Variants in DDX47 observed in about 807,000 individuals in gnomAD.
The protein encoded by DDX47 is DEAD-box helicase 47.
Under a neutral mutation model 58.8 loss-of-function variants are expected in DDX47, and 60 were observed. The ratio of observed to expected loss-of-function variants is 1.02; its 90% CI spans 0.83 to 1.26. The LOEUF is 1.26. Among genes scored for constraint, DDX47 ranks in the 50% most tolerant of loss-of-function variants. The probability of loss-of-function intolerance (pLI) is 0.00; values close to 1 mark genes in which losing one functional copy is unlikely to be tolerated. For missense variants in DDX47, 530 were observed against 573.2 expected, an observed-to-expected ratio of 0.92 and a Z score of 0.77; for synonymous variants, 197 against 204.6, an observed-to-expected ratio of 0.96 and a Z score of 0.32.
Position 12,822,003 on chromosome 12 carries a change from A to G in DDX47, c.481A>G (p.Lys161Glu). 1 of 1,613,934 alleles carries G rather than the reference A, an allele frequency of 6.2e-7. No individual in the cohort carries two copies. Among genetic ancestry groups the G allele is most frequent in the Non-Finnish European group, 8.5e-7 (1 of 1,179,952 alleles). ...GRLIDHLENT[K>E]GFNLRALKYL... ...ACTGATTGACCACTTGGAAAATACGAAAGGTTTCAACTTGAGAGCTCTCAA... is the reference window on the plus strand; with the variant it reads ...ACTGATTGACCACTTGGAAAATACGGAAGGTTTCAACTTGAGAGCTCTCAA... The change falls in exon 5 of 12, where the codon AAA becomes GAA. Residue 161 changes from lysine to glutamate, a missense_variant. Coordinates refer to ENST00000358007, the MANE Select transcript of DDX47 (RefSeq NM_016355.4).
chr12:12,820,903 G>A (rs911523886), intron 2 of DDX47: 3 of 375,414 alleles, frequency 8.0e-6, no homozygotes, highest in Non-Finnish European at 1.5e-5. Flanking sequence ...TATCACCTCT[G>A]TTAGCCTTTT....
chr12:12,826,810 T>A (rs1325535407), intron 10 of DDX47, among the ~76,000 whole-genome samples: 1 of 151,436 alleles, frequency 6.6e-6, no homozygotes, highest in Non-Finnish European at 1.5e-5. Context: ...CAGGCTGGAG[T>A]GCAGTGACTT....
intron 9 of DDX47, among the ~76,000 whole-genome samples, chr12:12,825,470 C>CG: frequency 6.6e-6 from 1 of 152,118 alleles, no homozygotes; most frequent in Admixed American, 6.5e-5. Flanking sequence ...TTACCAGTGT[C>CG]CCTTGAGGAT....
At chr12:12,817,823 A>C (rs1862918495) in intron 2 of DDX47, among the ~76,000 whole-genome samples, 1 of 152,208 alleles carries the variant, frequency 6.6e-6, no homozygotes, top group South Asian at 2.1e-4. Context: ...TGAGGGACTT[A>C]CTAAAAAACT....
rs755111594 is a variant in DDX47, at chr12:12,813,485, G to A, written c.87+31G>A. The A allele has an allele frequency of 3.2e-6, 5 of 1,569,696 alleles. No individual in the cohort carries two copies. In the Admixed American group the frequency reaches 9.1e-5, roughly 29 times the overall value. ...AATGGATGACGCTGGCTTCTTTTATGTACTCTGGTGCTAGGCTCAGGGAGA... is the reference window on the plus strand; with the variant it reads ...AATGGATGACGCTGGCTTCTTTTATATACTCTGGTGCTAGGCTCAGGGAGA... On this transcript the variant is annotated intron_variant, in intron 1 of 11. Transcript: ENST00000358007.
intron 2 of DDX47, among the ~76,000 whole-genome samples, chr12:12,816,433 G>A (rs909223130): frequency 2.6e-5 from 4 of 152,116 alleles, no homozygotes; most frequent in African/African-American, 7.2e-5. Context: ...AAGTATACAT[G>A]TATCTAAACT....
intron 3 of DDX47, 46 bp from the exon 4 acceptor site, chr12:12,821,609 G>A (rs76984957): frequency 0.037 from 58,984 of 1,579,940 alleles, 1,279 homozygotes; most frequent in Non-Finnish European, 0.044. Flanking sequence ...AGTGGACTGT[G>A]GAAAAAATTA....
chr12:12,826,999 C>A (rs1863061069), intron 10 of DDX47, among the ~76,000 whole-genome samples: 1 of 152,204 alleles, frequency 6.6e-6, no homozygotes, highest in Non-Finnish European at 1.5e-5. Flanking sequence ...TCAAGTGATT[C>A]TCCTGCTTTG....
intron 8 of DDX47, chr12:12,824,255 A>C: frequency 3.4e-6 from 2 of 583,550 alleles, no homozygotes; most frequent in Non-Finnish European, 2.9e-6. Context: ...GAGTTGATTT[A>C]TTCAGCCCTA....
intron 2 of DDX47, chr12:12,820,296 T>C (rs1862950314): frequency 6.6e-6 from 1 of 152,266 alleles, no homozygotes. Flanking sequence ...ACTGTTAAGT[T>C]CCTTGGCTCC....
chr12:12,821,515 T>G, intron 3 of DDX47, 119 bp downstream of exon 3: 3 of 1,431,010 alleles, frequency 2.1e-6, no homozygotes, highest in Non-Finnish European at 2.9e-6. Flanking sequence ...GAGCTAATGT[T>G]GTATTTGAGC....
In DDX47 at chr12:12,823,997, TC is replaced by T. The variant is rs1197661130; in HGVS notation, c.880del (p.His294MetfsTer4). 1 of 1,613,920 alleles carries T rather than the reference TC, an allele frequency of 6.2e-7. No individual in the cohort carries two copies. Among genetic ancestry groups the T allele is most frequent in the Admixed American group, 1.7e-5 (1 of 59,996 alleles). Reference protein sequence around the residue: ...LRNLGFTAIPLHGQMSQSKRL... With the variant: ...LRNLGFTAIPXHGQMSQSKRL... ...AATCTTGGCTTCACTGCCATCCCCCTCCATGGACAAATGAGTCAGGTAAGGA... is the reference window on the plus strand; with the variant it reads ...AATCTTGGCTTCACTGCCATCCCCCTCATGGACAAATGAGTCAGGTAAGGA... On this transcript the variant is annotated frameshift_variant, in exon 8 of 12. Transcript: ENST00000358007. LOFTEE classifies it high-confidence loss of function.
chr12:12,813,422 GAAGAGGAGGA>G lies in DDX47; in HGVS notation c.58_67del (p.Glu20LeufsTer9). The G allele has an allele frequency of 6.2e-7, 1 of 1,613,028 alleles. No individual in the cohort carries two copies. Among genetic ancestry groups the G allele is most frequent in the Non-Finnish European group, 8.5e-7 (1 of 1,179,504 alleles). Reference sequence around the variant, plus strand: ...GACCGAAGCGTCCCAGCCGATTGTGGAAGAGGAGGAAACTAAAACATTTAAAGACCTGGTG... The same window carrying G: ...GACCGAAGCGTCCCAGCCGATTGTGGAACTAAAACATTTAAAGACCTGGTG... On this transcript the variant is annotated frameshift_variant, in exon 1 of 12. Coordinates refer to ENST00000358007, the MANE Select transcript of DDX47 (RefSeq NM_016355.4). LOFTEE classifies it high-confidence loss of function.
Position 12,827,345 on chromosome 12 carries a change from C to T in DDX47, c.1206C>T (p.Arg402=), listed in dbSNP as rs182964541. 1.4e-4 allele frequency: 220 copies of T among 1,614,118 alleles called. No homozygotes were observed. The highest frequency in any genetic ancestry group is 4.5e-4 in the South Asian group (41 of 91,068). ...ATGAGGTTATGATGCTGACAGAACG[C>T]GTCGCTGAAGCCCAAAGGTTTGCCC... The part of the protein sequence containing the change: ...QDDEVMMLTE[R]VAEAQRFARM... The change falls in exon 11 of 12, where the codon CGC becomes CGT. Residue 402 remains arginine, a synonymous_variant. Transcript: ENST00000358007.
At chr12:12,814,268 A>C in intron 2 of DDX47, 44 bp downstream of exon 2, 2 of 1,181,256 alleles carry the variant, frequency 1.7e-6, no homozygotes, top group Non-Finnish European at 1.3e-6. Flanking sequence ...AAGTTATCTC[A>C]ATTAGATACC....
intron 3 of DDX47, 88 bp downstream of exon 3, chr12:12,821,484 A>G (rs1862972439): frequency 1.3e-6 from 2 of 1,521,868 alleles, no homozygotes; most frequent in Non-Finnish European, 1.8e-6. Context: ...AAGTATTGCT[A>G]GCATAATTTA....
chr12:12,818,475 C>G (rs1862927702), intron 2 of DDX47, among the ~76,000 whole-genome samples: 1 of 151,542 alleles, frequency 6.6e-6, no homozygotes, highest in Non-Finnish European at 1.5e-5. Flanking sequence ...GAGCCGAGAT[C>G]TCGCCACTGC....
Position 12,823,878 on chromosome 12 carries a change from C to G in DDX47, c.759C>G (p.Tyr253Ter). The part of the protein sequence containing the change: ...IFIPSKFKDT[Y>*]LVYILNELAG... ...TTGGGTTTGTAACTTAGGATACCTA[C>G]CTGGTTTATATTCTAAATGAATTGG... Residue 253 changes from tyrosine to a stop codon, truncating the protein, a stop_gained, in exon 8 of 12, where the codon TAC (tyrosine) becomes TAG (stop). Coordinates refer to ENST00000358007, the MANE Select transcript of DDX47 (RefSeq NM_016355.4). LOFTEE classifies it high-confidence loss of function. 6.2e-7 allele frequency: 1 copy of G among 1,613,576 alleles called. No homozygotes were observed. Among genetic ancestry groups the G allele is most frequent in the Non-Finnish European group, 8.5e-7 (1 of 1,179,756 alleles).
At chr12:12,825,274 T>C (rs1253082765) in intron 9 of DDX47, among the ~76,000 whole-genome samples, 1 of 152,296 alleles carries the variant, frequency 6.6e-6, no homozygotes, top group East Asian at 1.9e-4. Context: ...GCCTACAGCT[T>C]GTAGTGCTTA....
Sources: gnomAD v4.1 joint callset for allele counts (sites outside exome capture counted in the v4.1 genomes callset) on GRCh38, gnomAD v4.1.1 for gene constraint, MANE v1.5 for transcripts, NCBI Gene and HGNC (gene_info 2026-07-23, HGNC 2026-07-21) for gene names.